Variants in CYGB observed in about 807,000 individuals in gnomAD.
CYGB encodes histoglobin.
A neutral mutation model predicts 20.7 loss-of-function variants in CYGB; 13 were observed. That is an observed-to-expected ratio of 0.63 (90% CI 0.41 to 1.00). The LOEUF is 1.00. Ranked by LOEUF, CYGB falls within the 50% of genes least tolerant of loss-of-function variation. CYGB has a pLI of 0.00. For missense variants in CYGB, 218 were observed against 257.2 expected, an observed-to-expected ratio of 0.85 and a Z score of 1.04; for synonymous variants, 93 against 107.4, an observed-to-expected ratio of 0.87 and a Z score of 0.83.
chr17:76,529,388 A>G, intron 3 of CYGB: 1 of 985,232 alleles, frequency 1.0e-6, no homozygotes. Context: ...TGGGCGGAGG[A>G]GGAGACTTCG....
chr17:76,534,146 T>TTCTCTCTCTCTCTCTCTCTCTCTC (rs71158013), intron 1 of CYGB, among the ~76,000 whole-genome samples: 37 of 129,000 alleles, frequency 2.9e-4, no homozygotes, highest in East Asian at 4.3e-4. Flanking sequence ...CTCTTTCTCT[T>TTCTCTCTCTCTCTCTCTCTCTCTC]TCTCTCTCTC....
intron 1 of CYGB, chr17:76,549,954 TG>T (rs2075090906): frequency 1.3e-5 from 2 of 152,258 alleles, no homozygotes; most frequent in South Asian, 2.1e-4. Context: ...TTTTTTTGTT[TG>T]TTTTTTTTTC....
intron 1 of CYGB, chr17:76,545,601 C>A: frequency 2.9e-6 from 1 of 340,688 alleles, no homozygotes; most frequent in Admixed American, 3.8e-5. Flanking sequence ...GGGTTTGAAC[C>A]TTGTTCCACC....
chr17:76,530,999 C>G lies in CYGB; in HGVS notation c.519G>C (p.Gln173His), dbSNP rs768646733. 1 of 1,610,568 alleles carries G rather than the reference C, an allele frequency of 6.2e-7. No individual in the cohort carries two copies. Among genetic ancestry groups the G allele is most frequent in the Non-Finnish European group, 8.5e-7 (1 of 1,178,334 alleles). Reference protein sequence around the residue: ...TAAYKEVGWVQQVPNATTPPA... With the variant: ...TAAYKEVGWVHQVPNATTPPA... ...CTCACGTGGTGGCGTTGGGGACCTG[C>G]TGCACCCAGCCCACTTCCTTGTAGG... The change falls in exon 3 of 4, where the codon CAG becomes CAC. Residue 173 changes from glutamine (Q) to histidine (H), a missense_variant. Transcript: ENST00000293230. This position sits in a 1 kb window ranked among gnomAD's most constrained non-coding sequence, Gnocchi z 6.1.
chr17:76,530,899 T>C lies in CYGB; in HGVS notation c.539+80A>G. 6.9e-7 allele frequency: 1 copy of C among 1,455,086 alleles called. No individual in the cohort carries two copies. The highest frequency in any genetic ancestry group is 9.2e-7 in the Non-Finnish European group (1 of 1,089,654). The allele number at this position is 1,455,086 out of a possible 1,614,324, so 90.1% of individuals were successfully genotyped here. A position where few individuals can be genotyped will look rare whatever the true frequency, so the allele number is the denominator to read the frequency against. Reference sequence around the variant, plus strand: ...TGCCCAGGTGATCAGCCCCAGGGCCTCAGGAGATATGGGAGACCTCGGGGA... The same window carrying C: ...TGCCCAGGTGATCAGCCCCAGGGCCCCAGGAGATATGGGAGACCTCGGGGA... On this transcript the variant is annotated intron_variant, in intron 3 of 3. Transcript: ENST00000293230. The surrounding 1 kb of genome is among the most constrained non-coding windows in gnomAD (Gnocchi z 6.1).
intron 1 of CYGB, among the ~76,000 whole-genome samples, chr17:76,536,815 C>G (rs1167875803): frequency 6.6e-6 from 1 of 152,208 alleles, no homozygotes; most frequent in Non-Finnish European, 1.5e-5. Context: ...CTCCACTCAC[C>G]TGTGCCTGCC....
chr17:76,536,759 A>G (rs1026830313), intron 1 of CYGB, among the ~76,000 whole-genome samples: 4 of 151,230 alleles, frequency 2.6e-5, no homozygotes, highest in Admixed American at 6.6e-5. Context: ...TCTTCCCCTC[A>G]CCCTCCAAAC....
At chr17:76,534,238 G>A (rs537559449) in intron 1 of CYGB, among the ~76,000 whole-genome samples, 2 of 149,362 alleles carry the variant, frequency 1.3e-5, no homozygotes, top group African/African-American at 2.4e-5. Context: ...GTGCACTGGT[G>A]CAATCTTGGC....
upstream of CYGB, chr17:76,540,357 G>A (rs200398429): frequency 4.3e-4 from 552 of 1,281,132 alleles, 4 homozygotes; most frequent in East Asian, 0.013. The surrounding 1 kb of genome is among the most constrained non-coding windows in gnomAD (Gnocchi z 5.0). Context: ...CCTTGAGAGA[G>A]CACAGTCTCA....
At chr17:76,534,953 A>AG (rs1303415103) in intron 1 of CYGB, among the ~76,000 whole-genome samples, 3 of 152,178 alleles carry the variant, frequency 2.0e-5, no homozygotes, top group Non-Finnish European at 4.4e-5. Context: ...GCTGCCAGGG[A>AG]GGAGCCTCCA....
intron 1 of CYGB, among the ~76,000 whole-genome samples, chr17:76,548,444 G>A (rs1234696418): frequency 6.6e-6 from 1 of 152,232 alleles, no homozygotes; most frequent in African/African-American, 2.4e-5. Context: ...CAGGTGTCAG[G>A]AGTGACACTC....
chr17:76,529,844 T>C (rs1311095563), intron 3 of CYGB: 16 of 985,074 alleles, frequency 1.6e-5, no homozygotes, highest in Non-Finnish European at 1.9e-5. Context: ...TGTGCACATC[T>C]GGAGTTGGCT....
At chr17:76,540,457 G>A (rs1225874989), upstream of CYGB, 1 of 1,596,994 alleles carries the variant, frequency 6.3e-7, no homozygotes, top group Non-Finnish European at 8.6e-7. This position sits in a 1 kb window ranked among gnomAD's most constrained non-coding sequence, Gnocchi z 5.0. Context: ...GGACAGTGAG[G>A]GGCTGGGCAC....
intron 1 of CYGB, among the ~76,000 whole-genome samples, chr17:76,536,193 A>C (rs939971253): frequency 6.6e-6 from 1 of 152,040 alleles, no homozygotes; most frequent in Non-Finnish European, 1.5e-5. Flanking sequence ...GCGCTCCTCT[A>C]ACTCCTTAGA....
chr17:76,546,252 G>C lies in CYGB; in HGVS notation c.-53+4610C>G, dbSNP rs921645467. 4 of 152,234 alleles carry C rather than the reference G, an allele frequency of 2.6e-5. No individual in the cohort carries two copies. Among genetic ancestry groups the C allele is most frequent in the African/African-American group, 7.2e-5 (3 of 41,410 alleles). 9.4% of individuals were successfully genotyped at this position (152,234 alleles called of 1,614,324 possible). ...CCAGGAGCAGGGAGGTGCTGCTCCTGCAACTGAGGCTCAGAGCGGCTGCCA... is the reference window on the plus strand; with the variant it reads ...CCAGGAGCAGGGAGGTGCTGCTCCTCCAACTGAGGCTCAGAGCGGCTGCCA... On this transcript the variant is annotated intron_variant, in intron 1 of 3. Transcript: ENST00000589145. The surrounding 1 kb of genome is among the most constrained non-coding windows in gnomAD (Gnocchi z 4.5).
At chr17:76,540,334 C>A, upstream of CYGB, 2 of 1,320,004 alleles carry the variant, frequency 1.5e-6, no homozygotes, top group Non-Finnish European at 2.1e-6. The surrounding 1 kb of genome is among the most constrained non-coding windows in gnomAD (Gnocchi z 5.0). Context: ...GCTGGGAGGG[C>A]ATTTTGAGGA....
rs1323693595 is a variant in CYGB, at chr17:76,530,892, C to T, written c.539+87G>A. Reference sequence around the variant, plus strand: ...GTGTGCCTGCCCAGGTGATCAGCCCCAGGGCCTCAGGAGATATGGGAGACC... The same window carrying T: ...GTGTGCCTGCCCAGGTGATCAGCCCTAGGGCCTCAGGAGATATGGGAGACC... On this transcript the variant is annotated intron_variant, in intron 3 of 3. Coordinates refer to ENST00000293230, the MANE Select transcript of CYGB (RefSeq NM_134268.5). The surrounding 1 kb of genome is among the most constrained non-coding windows in gnomAD (Gnocchi z 6.1). The T allele has an allele frequency of 4.2e-6, 6 of 1,433,584 alleles. No individual in the cohort carries two copies. The East Asian group carries it at 1.0e-4, about 24-fold the overall frequency. The allele number at this position is 1,433,584 out of a possible 1,614,324, so 88.8% of individuals were successfully genotyped here. A position where few individuals can be genotyped will look rare whatever the true frequency, so the allele number is the denominator to read the frequency against.
At chr17:76,548,970 G>A (rs1409283027) in intron 1 of CYGB, among the ~76,000 whole-genome samples, 1 of 152,158 alleles carries the variant, frequency 6.6e-6, no homozygotes, top group East Asian at 1.9e-4. Context: ...AAGGTGAGGA[G>A]GAGACAGAAT....
chr17:76,530,192 T>C lies in CYGB; in HGVS notation c.539+787A>G, dbSNP rs2074819377. On this transcript the variant is annotated intron_variant, in intron 3 of 3. Coordinates refer to ENST00000293230, the MANE Select transcript of CYGB (RefSeq NM_134268.5). This position sits in a 1 kb window ranked among gnomAD's most constrained non-coding sequence, Gnocchi z 6.1. ...TGCTTCCCATTCCCGCCTCCGCTCC[T>C]CTCCTCCTTCCTACTCCAGCCCTGC... Among the ~76,000 whole-genome samples, 2 of 152,044 alleles carry C rather than the reference T, an allele frequency of 1.3e-5. No individual in the cohort carries two copies. The highest frequency in any genetic ancestry group is 2.4e-5 in the African/African-American group (1 of 41,386).
Sources: gnomAD v4.1 joint callset for allele counts (sites outside exome capture counted in the v4.1 genomes callset) on GRCh38, gnomAD v4.1.1 for gene constraint, Gnocchi (gnomAD v3.1) non-coding constraint, MANE v1.5 for transcripts, NCBI Gene and HGNC (gene_info 2026-07-23, HGNC 2026-07-21) for gene names.